The following PTPRO variants were observed in gnomAD, a reference collection of about 807,000 sequenced individuals.
The protein encoded by PTPRO is receptor-type tyrosine-protein phosphatase O.
A neutral mutation model predicts 145.2 loss-of-function variants in PTPRO; 62 were observed. That is an observed-to-expected ratio of 0.43 (90% confidence interval 0.35 to 0.53). The LOEUF (loss-of-function observed/expected upper bound fraction) is 0.53. Ranked by LOEUF, PTPRO falls within the 20% of genes least tolerant of loss-of-function variation. The pLI is 0.01. For missense variants in PTPRO, 1,345 were observed against 1,482.7 expected (o/e 0.91, Z 1.53); for synonymous variants, 565 against 514.7 (o/e 1.10, Z -1.32).
rs560623303 is a variant in PTPRO, at chr12:15,511,338, A to G, written c.1464+2571A>G. 3.6e-4 allele frequency among the ~76,000 whole-genome samples: 55 copies of G among 152,350 alleles called. No homozygotes were observed. In the Middle Eastern group the frequency reaches 0.017, roughly 47 times the overall value. On this transcript the variant is annotated intron_variant, in intron 7 of 26. Transcript: ENST00000281171. The stretch of plus-strand genomic sequence containing the variant: ...CCAGGAGAAATAAAAAGGCATGGAG[A>G]AACATAGAAGTGTAAATATAGGTTA...
intron 1 of PTPRO, among the ~76,000 whole-genome samples, chr12:15,457,337 T>A (rs1941203165): frequency 6.6e-6 from 1 of 152,216 alleles, no homozygotes; most frequent in African/African-American, 2.4e-5. Context: ...TTCTCCCTAA[T>A]AAACTCCCTT....
At chr12:15,391,664 A>G (rs1014699185) in intron 1 of PTPRO, among the ~76,000 whole-genome samples, 1 of 152,258 alleles carries the variant, frequency 6.6e-6, no homozygotes, top group Non-Finnish European at 1.5e-5. Flanking sequence ...TGGCTACCGC[A>G]ATGGCATGGG....
At chr12:15,387,987 T>C (rs1939076937) in intron 1 of PTPRO, among the ~76,000 whole-genome samples, 2 of 152,164 alleles carry the variant, frequency 1.3e-5, no homozygotes, top group Non-Finnish European at 2.9e-5. Flanking sequence ...GTTTGATTTA[T>C]GTGAATTGTG....
At chr12:15,515,923 G>A (rs1256826534) in intron 8 of PTPRO, among the ~76,000 whole-genome samples, 1 of 151,486 alleles carries the variant, frequency 6.6e-6, no homozygotes, top group Non-Finnish European at 1.5e-5. Context: ...AGGCTGAGGT[G>A]GGAGGACTGC....
At chr12:15,535,643 G>A (rs1943052013) in intron 12 of PTPRO, among the ~76,000 whole-genome samples, 1 of 152,220 alleles carries the variant, frequency 6.6e-6, no homozygotes, top group African/African-American at 2.4e-5. Context: ...TCTTGGTCCA[G>A]AAACAGTCAT....
intron 3 of PTPRO, 101 bp from the exon 4 acceptor site, chr12:15,499,341 T>C: frequency 8.3e-7 from 1 of 1,206,642 alleles, no homozygotes; most frequent in South Asian, 1.2e-5. Context: ...TTGAAGGAAA[T>C]ATTATTTTGT....
chr12:15,550,966 A>C (rs926191039), intron 14 of PTPRO, among the ~76,000 whole-genome samples: 3 of 152,208 alleles, frequency 2.0e-5, no homozygotes, highest in African/African-American at 7.2e-5. Context: ...ACAACCTATT[A>C]ATAGGTTTTA....
chr12:15,383,519 T>C (rs1434290562), intron 1 of PTPRO, among the ~76,000 whole-genome samples: 1 of 152,222 alleles, frequency 6.6e-6, no homozygotes, highest in African/African-American at 2.4e-5. Context: ...AAGAGGTTGA[T>C]TCTAAGCCAA....
chr12:15,539,761 CAAAAAAAAAAAAAAAAAA>C lies in PTPRO; in HGVS notation c.2165-6791_2165-6774del, dbSNP rs56061735. Among the ~76,000 whole-genome samples, 44 of 52,488 alleles carry C rather than the reference CAAAAAAAAAAAAAAAAAA, an allele frequency of 8.4e-4. No individual in the cohort carries two copies. In the East Asian group the frequency reaches 0.011, roughly 13 times the overall value. 34.4% of individuals were successfully genotyped at this position (52,488 alleles called of 152,430 possible). On this transcript the variant is annotated intron_variant, in intron 12 of 26. Coordinates refer to ENST00000281171, the MANE Select transcript of PTPRO (RefSeq NM_030667.3). ...TGGGTGACAGACTGAGACTCTGTCT[CAAAAAAAAAAAAAAAAAA>C]AAAAAAAAAAAAAAAAGAATATAGT...
intron 15 of PTPRO, 98 bp from the exon 16 acceptor site, chr12:15,557,357 C>T: frequency 1.8e-6 from 2 of 1,100,478 alleles, no homozygotes; most frequent in South Asian, 2.5e-5. Context: ...TAATTTAATG[C>T]TGTGATGATA....
At chr12:15,454,788 T>C (rs1377423868) in intron 1 of PTPRO, among the ~76,000 whole-genome samples, 2 of 152,154 alleles carry the variant, frequency 1.3e-5, no homozygotes, top group African/African-American at 2.4e-5. Flanking sequence ...AATTTCATTG[T>C]TTTGCATGCA....
chr12:15,550,066 A>T (rs1057402122), intron 14 of PTPRO, among the ~76,000 whole-genome samples: 1 of 152,198 alleles, frequency 6.6e-6, no homozygotes, highest in Non-Finnish European at 1.5e-5. Context: ...TGAGAGACTT[A>T]GAAGTGCCAA....
intron 12 of PTPRO, among the ~76,000 whole-genome samples, chr12:15,532,556 A>C (rs1942983707): frequency 1.3e-5 from 2 of 152,112 alleles, no homozygotes; most frequent in Admixed American, 1.3e-4. Flanking sequence ...CATTCCTCCA[A>C]ACTTTCAAAC....
At chr12:15,517,574 T>A (rs1367719065) in intron 9 of PTPRO, among the ~76,000 whole-genome samples, 2 of 152,202 alleles carry the variant, frequency 1.3e-5, no homozygotes, top group Non-Finnish European at 2.9e-5. Context: ...CTTCTGCCTA[T>A]GAGTCTGTAA....
At chr12:15,365,689 T>C (rs1415535297) in intron 1 of PTPRO, among the ~76,000 whole-genome samples, 1 of 152,146 alleles carries the variant, frequency 6.6e-6, no homozygotes, top group African/African-American at 2.4e-5. Flanking sequence ...ATTTAAAAAC[T>C]AGTTCTTCTT....
chr12:15,352,091 C>G (rs1371534118), intron 1 of PTPRO, among the ~76,000 whole-genome samples: 1 of 152,186 alleles, frequency 6.6e-6, no homozygotes, highest in Non-Finnish European at 1.5e-5. Context: ...ACCTCATTAT[C>G]TTGACTCTTG....
chr12:15,346,807 AC>A (rs1415481361), intron 1 of PTPRO, among the ~76,000 whole-genome samples: 8 of 152,218 alleles, frequency 5.3e-5, no homozygotes, highest in African/African-American at 1.9e-4. Flanking sequence ...CTTAAAACAT[AC>A]AAATAGATTT....
Position 15,356,378 on chromosome 12 carries a change from C to G in PTPRO, c.75+33577C>G, listed in dbSNP as rs533129809. 2.6e-5 allele frequency among the ~76,000 whole-genome samples: 4 copies of G among 152,204 alleles called. 1 individual carries two copies. Among genetic ancestry groups the G allele is most frequent in the African/African-American group, 9.6e-5 (4 of 41,536 alleles). On this transcript the variant is annotated intron_variant, in intron 1 of 26. Coordinates refer to ENST00000281171, the MANE Select transcript of PTPRO (RefSeq NM_030667.3). ...CTGTGCAAAGAAGTCACTCCCAATTCTGATTTTTTTCCCTAGATGCTCTAA... is the reference window on the plus strand; with the variant it reads ...CTGTGCAAAGAAGTCACTCCCAATTGTGATTTTTTTCCCTAGATGCTCTAA...
intron 1 of PTPRO, among the ~76,000 whole-genome samples, chr12:15,325,304 T>C (rs1297070030): frequency 1.3e-5 from 2 of 152,176 alleles, no homozygotes; most frequent in Non-Finnish European, 2.9e-5. Flanking sequence ...GTAGGAAAGT[T>C]TGAATGTGTA....
Sources: gnomAD v4.1 joint callset for allele counts (sites outside exome capture counted in the v4.1 genomes callset) on GRCh38, gnomAD v4.1.1 for gene constraint, MANE v1.5 for transcripts, NCBI Gene and HGNC (gene_info 2026-07-23, HGNC 2026-07-21) for gene names.